The following GEMIN4 variants were observed in gnomAD, a reference collection of about 807,000 sequenced individuals.
GEMIN4 encodes the protein gem nuclear organelle associated protein 4, also known as gem-associated protein 4.
A neutral mutation model predicts 76.8 loss-of-function variants in GEMIN4; 59 were observed. That is an observed-to-expected ratio of 0.77 (90% CI 0.62 to 0.95). The LOEUF (loss-of-function observed/expected upper bound fraction) is 0.95. GEMIN4 is among the 40% of genes least tolerant of loss of function. The pLI, the probability that GEMIN4 is intolerant of heterozygous loss-of-function variation, is 0.00. For synonymous variants in GEMIN4, 562 were observed against 559.7 expected (o/e 1.00, Z -0.06); for missense variants, 1,311 against 1,318.9 (o/e 0.99, Z 0.09).
rs764724631 is a variant in GEMIN4 at position 746,110 on chromosome 17, G to A, written c.1933C>T (p.Leu645Phe). ...TTCAGCACCTCGTCTGGCTCAAGAAGAGCAGCCACTGGAATCCCTTGGGGT... is the reference window on the plus strand; with the variant it reads ...TTCAGCACCTCGTCTGGCTCAAGAAAAGCAGCCACTGGAATCCCTTGGGGT... ...VKPQGIPVAA[L>F]LEPDEVLKEF... Residue 645 changes from leucine (L) to phenylalanine (F), a missense_variant, in exon 2 of 2, where the codon CTT becomes TTT. Physicochemically the swap from Leu to Phe is conservative, Grantham distance 22. Coordinates refer to ENST00000319004, the MANE Select transcript of GEMIN4 (RefSeq NM_015721.3). This position sits in a 1 kb window ranked among gnomAD's most constrained non-coding sequence, Gnocchi z 4.3. The A allele has an allele frequency of 1.1e-5, 18 of 1,613,972 alleles. No homozygotes were observed. The highest frequency in any genetic ancestry group is 1.5e-5 in the Non-Finnish European group (18 of 1,179,902).
chr17:746,916 A>G lies in GEMIN4; in HGVS notation c.1127T>C (p.Val376Ala), dbSNP rs182380523. 3,629 of 1,613,588 alleles carry G rather than the reference A, an allele frequency of 2.2e-3. 37 individuals carry two copies. The highest frequency in any genetic ancestry group is 0.022 in the African/African-American group (1,615 of 75,006). ...TSLSKEDRQV[V>A]SELAECVRDF... Reference sequence around the variant, plus strand: ...CCTGACACACTCCGCCAGCTCAGAGACCACCTGCCTGTCCTCCTTGGACAG... The same window carrying G: ...CCTGACACACTCCGCCAGCTCAGAGGCCACCTGCCTGTCCTCCTTGGACAG... Residue 376 changes from valine (V) to alanine (A), a missense_variant, in exon 2 of 2, where the codon GTC becomes GCC. Coordinates refer to ENST00000319004, the MANE Select transcript of GEMIN4 (RefSeq NM_015721.3). The surrounding 1 kb of genome is among the most constrained non-coding windows in gnomAD (Gnocchi z 4.3).
upstream of GEMIN4, chr17:753,137 G>T (rs565860511): frequency 7.7e-5 from 11 of 142,708 alleles, no homozygotes; most frequent in Non-Finnish European, 1.4e-4. Flanking sequence ...GAAGGAAGTG[G>T]GGGGCGTGGA....
chr17:745,084 G>A lies in GEMIN4; in HGVS notation c.2959C>T (p.Leu987=). 7 of 1,613,376 alleles carry A rather than the reference G, an allele frequency of 4.3e-6. No individual in the cohort carries two copies. The South Asian group carries it at 5.5e-5, about 13-fold the overall frequency. ...FVYTQVFCHA[L]HIMAMLHPEV... ...GGGTGGAGCATGGCCATGATGTGCA[G>A]AGCATGGCAGAACACCTGGGTGTAA... Residue 987 remains leucine, a synonymous_variant, in exon 2 of 2, where the codon CTG becomes TTG. Coordinates refer to ENST00000319004, the MANE Select transcript of GEMIN4 (RefSeq NM_015721.3). The surrounding 1 kb of genome is among the most constrained non-coding windows in gnomAD (Gnocchi z 4.6).
chr17:746,221 T>TG lies in GEMIN4; in HGVS notation c.1821dup (p.Lys608GlnfsTer40). ...GAGAACTTCATCCAGACGGTTTCTT[T>TG]GAGGCATGACACCATGAAAGTGGCA... On this transcript the variant is annotated frameshift_variant, in exon 2 of 2. Transcript: ENST00000319004. LOFTEE classifies it high-confidence loss of function. This position sits in a 1 kb window ranked among gnomAD's most constrained non-coding sequence, Gnocchi z 4.3. The TG allele has an allele frequency of 6.2e-7, 1 of 1,613,802 alleles. No homozygotes were observed. The highest frequency in any genetic ancestry group is 8.5e-7 in the Non-Finnish European group (1 of 1,179,892).
At position 747,084 on chromosome 17, in the gene GEMIN4, AG is replaced by A; in HGVS notation, c.958del (p.Leu320CysfsTer33). ...CCCCCACTCCCGCAGCAGGTGGTGCAGGAACTCGCAGCCCACGAAAATGGTC... is the reference window on the plus strand; with the variant it reads ...CCCCCACTCCCGCAGCAGGTGGTGCAGAACTCGCAGCCCACGAAAATGGTC... ...SETIFVGCEFLHHLLREWGEE... is the reference protein window; with the variant it reads ...SETIFVGCEFXHHLLREWGEE... On this transcript the variant is annotated frameshift_variant, in exon 2 of 2. Coordinates refer to ENST00000319004, the MANE Select transcript of GEMIN4 (RefSeq NM_015721.3). LOFTEE classifies it high-confidence loss of function. The A allele has an allele frequency of 6.2e-7, 1 of 1,613,628 alleles. No individual in the cohort carries two copies. Among genetic ancestry groups the A allele is most frequent in the Non-Finnish European group, 8.5e-7 (1 of 1,179,826 alleles).
chr17:745,052 G>A lies in GEMIN4; in HGVS notation c.2991C>T (p.Val997=). The change falls in exon 2 of 2, where the codon GTC becomes GTT. Residue 997 remains valine (V), a synonymous_variant. Coordinates refer to ENST00000319004, the MANE Select transcript of GEMIN4 (RefSeq NM_015721.3). This position sits in a 1 kb window ranked among gnomAD's most constrained non-coding sequence, Gnocchi z 4.6. ...LHIMAMLHPE[V]CEPLYVLALE... is the part of the protein sequence containing the mutation. Reference sequence around the variant, plus strand: ...AGGCTAAAACGTAGAGTGGCTCACAGACCTCCGGGTGGAGCATGGCCATGA... The same window carrying A: ...AGGCTAAAACGTAGAGTGGCTCACAAACCTCCGGGTGGAGCATGGCCATGA... 1 of 1,613,834 alleles carries A rather than the reference G, an allele frequency of 6.2e-7. No individual in the cohort carries two copies. Among genetic ancestry groups the A allele is most frequent in the East Asian group, 2.2e-5 (1 of 44,878 alleles).
chr17:748,238 C>G (rs1904384199), intron 1 of GEMIN4: 3 of 554,600 alleles, frequency 5.4e-6, no homozygotes, highest in South Asian at 2.5e-5. Context: ...GCTCTCCAGC[C>G]TGGGAACTGG....
chr17:750,792 A>C (rs1000803418), intron 1 of GEMIN4, among the ~76,000 whole-genome samples: 3 of 152,222 alleles, frequency 2.0e-5, no homozygotes, highest in Non-Finnish European at 2.9e-5. Context: ...CCAAGGGCTC[A>C]GCACTATGTA....
Position 747,468 on chromosome 17 carries a change from G to A in GEMIN4, c.575C>T (p.Ala192Val), listed in dbSNP as rs1904319039. 3 of 1,613,836 alleles carry A rather than the reference G, an allele frequency of 1.9e-6. No individual in the cohort carries two copies. The highest frequency in any genetic ancestry group is 2.5e-6 in the Non-Finnish European group (3 of 1,179,810). ...TGGAGGATGGGGGAACTCATCTAAG[G>A]CAGGCAGGTACTTATGGGCCATTGC... ...FSAMAHKYLP[A>V]LDEFPHPPKR... The change falls in exon 2 of 2, where the codon GCC becomes GTC. Residue 192 changes from alanine (A) to valine (V), a missense_variant. Ala to Val is a moderately conservative substitution (Grantham distance 64). This residue lies in a region of GEMIN4 where 1,208 missense variants were observed against 1,166.9 expected (regional missense o/e 1.04). Transcript: ENST00000319004.
chr17:752,527 C>A, upstream of GEMIN4: 1 of 456,140 alleles, frequency 2.2e-6, no homozygotes. Context: ...CAGTTCACCC[C>A]CACCGAGCGC....
intron 1 of GEMIN4, 25 bp from the exon 2 acceptor site, chr17:748,057 A>T (rs1904370635): frequency 1.9e-6 from 3 of 1,547,152 alleles, no homozygotes. Context: ...GCCAAATAAG[A>T]CAGTATAGTG....
chr17:747,727 T>C lies in GEMIN4; in HGVS notation c.316A>G (p.Thr106Ala). 6.2e-7 allele frequency: 1 copy of C among 1,612,096 alleles called. No individual in the cohort carries two copies. Among genetic ancestry groups the C allele is most frequent in the Non-Finnish European group, 8.5e-7 (1 of 1,179,406 alleles). ...LFFSVGNMIP[T>A]INHTILFELL... ...TCGAAGAGGATGGTGTGGTTGATGG[T>C]GGGGATCATGTTGCCCACCGAGAAG... Residue 106 changes from threonine (T) to alanine (A), a missense_variant, in exon 2 of 2, where the codon ACC becomes GCC. Coordinates refer to ENST00000319004, the MANE Select transcript of GEMIN4 (RefSeq NM_015721.3).
rs576801868 is a variant in GEMIN4, at chr17:747,101, G to A, written c.942C>T (p.Phe314=). 1.1e-5 allele frequency: 18 copies of A among 1,613,714 alleles called. No individual in the cohort carries two copies. Among genetic ancestry groups the A allele is most frequent in the African/African-American group, 8.0e-5 (6 of 75,040 alleles). The change falls in exon 2 of 2, where the codon TTC becomes TTT. Residue 314 remains phenylalanine, a synonymous_variant. Coordinates refer to ENST00000319004, the MANE Select transcript of GEMIN4 (RefSeq NM_015721.3). ...GGTGGTGCAGGAACTCGCAGCCCACGAAAATGGTCTCACTGGGGAGTTTGG... is the reference window on the plus strand; with the variant it reads ...GGTGGTGCAGGAACTCGCAGCCCACAAAAATGGTCTCACTGGGGAGTTTGG... The part of the protein sequence containing the change: ...SLAKLPSETI[F]VGCEFLHHLL...
At position 748,003 on chromosome 17, in the gene GEMIN4, T is replaced by C. The variant is rs751271141; in HGVS notation, c.40A>G (p.Ile14Val). 4 of 1,609,938 alleles carry C rather than the reference T, an allele frequency of 2.5e-6. No homozygotes were observed. The Admixed American group carries it at 5.1e-5, about 20-fold the overall frequency. The change falls in exon 2 of 2, where the codon ATT (isoleucine) becomes GTT (valine). Residue 14 changes from isoleucine to valine, a missense_variant. This residue lies in a region of GEMIN4 where 103 missense variants were observed against 152.0 expected (regional missense o/e 0.68). Transcript: ENST00000319004. ...GPLNICEEMTILHGGFLLAEQ... is the reference protein window; with the variant it reads ...GPLNICEEMTVLHGGFLLAEQ... ...GCCAGCAAGAAGCCTCCATGCAGAA[T>C]AGTCATTTCTTCACAGATGTTCAAG...
At position 745,572 on chromosome 17, in the gene GEMIN4, A is replaced by G; in HGVS notation, c.2471T>C (p.Val824Ala). The change falls in exon 2 of 2, where the codon GTC becomes GCC. Residue 824 changes from valine to alanine, a missense_variant. Transcript: ENST00000319004. This position sits in a 1 kb window ranked among gnomAD's most constrained non-coding sequence, Gnocchi z 4.6. ...GLLAWMECCCVSSGISERMLS... is the reference protein window; with the variant it reads ...GLLAWMECCCASSGISERMLS... ...CATCCTCTCCGAGATGCCGCTGGAGACGCAGCAGCACTCCATCCAGGCCAG... is the reference window on the plus strand; with the variant it reads ...CATCCTCTCCGAGATGCCGCTGGAGGCGCAGCAGCACTCCATCCAGGCCAG... 6.2e-7 allele frequency: 1 copy of G among 1,610,942 alleles called. No homozygotes were observed. The highest frequency in any genetic ancestry group is 8.5e-7 in the Non-Finnish European group (1 of 1,179,364).
At position 746,877 on chromosome 17, in the gene GEMIN4, T is replaced by A; in HGVS notation, c.1166A>T (p.Lys389Ile). The A allele has an allele frequency of 6.2e-7, 1 of 1,613,778 alleles. No individual in the cohort carries two copies. The highest frequency in any genetic ancestry group is 8.5e-7 in the Non-Finnish European group (1 of 1,179,730). Residue 389 changes from lysine (K) to isoleucine (I), a missense_variant, in exon 2 of 2, where the codon AAA (lysine) becomes ATA (isoleucine). Physicochemically the swap from Lys to Ile is moderately radical, Grantham distance 102 (BLOSUM62 -3). This residue lies in a region of GEMIN4 where 1,208 missense variants were observed against 1,166.9 expected (regional missense o/e 1.04). Transcript: ENST00000319004. The surrounding 1 kb of genome is among the most constrained non-coding windows in gnomAD (Gnocchi z 4.3). ...CCTGTTCTTCAGCACCGTGCTCGTT[T>A]TCCTCAGGAAGTCCCTGACACACTC... is the stretch of plus-strand genomic sequence containing the variant. The part of the protein sequence containing the change: ...LAECVRDFLR[K>I]TSTVLKNRAL...
At position 745,609 on chromosome 17, in the gene GEMIN4, C is replaced by T. The variant is rs1223930355; in HGVS notation, c.2434G>A (p.Gly812Ser). ...TCCATCCAGGCCAGGAGCCCCGTGC[C>T]AGCCCCGTACCCTGGGTGGGCCTGG... is the stretch of plus-strand genomic sequence containing the variant. ...TSQAHPGYGA[G>S]TGLLAWMECC... The change falls in exon 2 of 2, where the codon GGC becomes AGC. Residue 812 changes from glycine to serine, a missense_variant. Gly to Ser is a moderately conservative substitution (Grantham distance 56). Around this residue, in one of 2 missense-constraint regions of GEMIN4, gnomAD observed 1,208 missense variants for 1,166.9 expected, o/e 1.04. Transcript: ENST00000319004. The surrounding 1 kb of genome is among the most constrained non-coding windows in gnomAD (Gnocchi z 4.6). The T allele has an allele frequency of 1.2e-6, 2 of 1,608,472 alleles. No individual in the cohort carries two copies. Among genetic ancestry groups the T allele is most frequent in the Admixed American group, 1.7e-5 (1 of 59,036 alleles).
In GEMIN4 at chr17:745,957, G is replaced by C. The variant is rs1441924527; in HGVS notation, c.2086C>G (p.Pro696Ala). The C allele has an allele frequency of 1.9e-6, 3 of 1,613,046 alleles. No individual in the cohort carries two copies. Among genetic ancestry groups the C allele is most frequent in the Non-Finnish European group, 1.7e-6 (2 of 1,179,864 alleles). ...EYWLQTCSPF[P>A]LLFSLCQLLD... ...AGCTGGCACAAGCTGAAGAGGAGTGGAAACGGGGAGCAGGTCTGGAGCCAG... is the reference window on the plus strand; with the variant it reads ...AGCTGGCACAAGCTGAAGAGGAGTGCAAACGGGGAGCAGGTCTGGAGCCAG... Residue 696 changes from proline to alanine, a missense_variant, in exon 2 of 2, where the codon CCA (proline) becomes GCA (alanine). This residue lies in a region of GEMIN4 where 1,208 missense variants were observed against 1,166.9 expected (regional missense o/e 1.04). Transcript: ENST00000319004. This position sits in a 1 kb window ranked among gnomAD's most constrained non-coding sequence, Gnocchi z 4.6.
rs1974457844 is a variant in GEMIN4 at position 747,119 on chromosome 17, G to T, written c.924C>A (p.Leu308=). Residue 308 remains leucine (L), a synonymous_variant, in exon 2 of 2, where the codon CTC becomes CTA. Transcript: ENST00000319004. ...AGCCCACGAAAATGGTCTCACTGGG[G>T]AGTTTGGCCAGCGAGGTCAGGCTGA... ...RDVSLTSLAK[L]PSETIFVGCE... 3 of 1,613,668 alleles carry T rather than the reference G, an allele frequency of 1.9e-6. No homozygotes were observed. The highest frequency in any genetic ancestry group is 1.7e-6 in the Non-Finnish European group (2 of 1,179,864).
Sources: gnomAD v4.1 joint callset for allele counts (sites outside exome capture counted in the v4.1 genomes callset) on GRCh38, gnomAD v4.1.1 for gene constraint, gnomAD v4.1.1 regional missense constraint, Gnocchi (gnomAD v3.1) non-coding constraint, MANE v1.5 for transcripts, NCBI Gene and HGNC (gene_info 2026-07-23, HGNC 2026-07-21) for gene names.